LUC7L2: variants seen among roughly 807,000 people sequenced by gnomAD.
LUC7L2 encodes the protein putative RNA-binding protein Luc7-like 2.
A neutral mutation model predicts 52.8 loss-of-function variants in LUC7L2; 25 were observed. That is an observed-to-expected ratio of 0.47 (90% CI 0.34 to 0.66). The LOEUF (loss-of-function observed/expected upper bound fraction) is 0.66. LUC7L2 is among the 30% of genes least tolerant of loss of function. The probability of loss-of-function intolerance (pLI) is 0.01; values close to 1 mark genes in which losing one functional copy is unlikely to be tolerated. For synonymous variants in LUC7L2, 144 were observed against 160.9 expected, an observed-to-expected ratio of 0.89 and a Z score of 0.80; for missense variants, 328 against 497.8, an observed-to-expected ratio of 0.66 and a Z score of 3.25.
intron 2 of LUC7L2, among the ~76,000 whole-genome samples, chr7:139,385,005 T>C (rs1038990233): frequency 6.6e-6 from 1 of 152,248 alleles, no homozygotes; most frequent in South Asian, 2.1e-4. Context: ...AGGTAATTTT[T>C]TTCCCCATGG....
chr7:139,375,187 T>C (rs748027625), intron 1 of LUC7L2: 11 of 983,934 alleles, frequency 1.1e-5, no homozygotes, highest in Non-Finnish European at 1.3e-5. Context: ...TATTTTGTTA[T>C]TGGAGCTAGT....
chr7:139,389,843 G>T (rs1331357642), intron 2 of LUC7L2, among the ~76,000 whole-genome samples: 1 of 152,156 alleles, frequency 6.6e-6, no homozygotes, highest in Non-Finnish European at 1.5e-5. Context: ...AAATAAGTAG[G>T]TTGACAGCCT....
At chr7:139,366,491 T>TTAAC (rs1554387486) in intron 1 of LUC7L2, among the ~76,000 whole-genome samples, 24 of 152,024 alleles carry the variant, frequency 1.6e-4, no homozygotes, top group African/African-American at 4.6e-4. Context: ...CTTTAATAGT[T>TTAAC]TAATAGTTAA....
chr7:139,418,171 T>C (rs923290632), intron 9 of LUC7L2, among the ~76,000 whole-genome samples: 1 of 152,194 alleles, frequency 6.6e-6, no homozygotes, highest in African/African-American at 2.4e-5. Flanking sequence ...TATATTCTTG[T>C]TTTATCTGCA....
intron 1 of LUC7L2, among the ~76,000 whole-genome samples, chr7:139,367,007 T>G (rs1054088066): frequency 6.6e-6 from 1 of 151,944 alleles, no homozygotes. Flanking sequence ...GGAGACAGAG[T>G]CTCTGTCTCC....
intron 2 of LUC7L2, among the ~76,000 whole-genome samples, chr7:139,383,561 C>T (rs951541034): frequency 6.8e-6 from 1 of 148,098 alleles, no homozygotes; most frequent in Non-Finnish European, 1.5e-5. Context: ...AGAGGTGCTG[C>T]ACGCCACCAT....
intron 2 of LUC7L2, among the ~76,000 whole-genome samples, chr7:139,387,129 C>T (rs1466408738): frequency 6.6e-6 from 1 of 151,632 alleles, no homozygotes; most frequent in Non-Finnish European, 1.5e-5. Flanking sequence ...CATGAGCCAC[C>T]GTGCCCGGCC....
At chr7:139,392,967 T>C (rs1794509050) in intron 2 of LUC7L2, among the ~76,000 whole-genome samples, 1 of 150,060 alleles carries the variant, frequency 6.7e-6, no homozygotes, top group Non-Finnish European at 1.5e-5. Flanking sequence ...ACTTGTTAAA[T>C]TAAAAAAAAA....
At chr7:139,361,040 C>T (rs933932550) in intron 1 of LUC7L2, among the ~76,000 whole-genome samples, 1 of 152,124 alleles carries the variant, frequency 6.6e-6, no homozygotes, top group African/African-American at 2.4e-5. Flanking sequence ...ATTTGGTACC[C>T]AGTGAAGTAG....
chr7:139,374,764 T>C (rs1800621959), intron 1 of LUC7L2: 1 of 1,204,570 alleles, frequency 8.3e-7, no homozygotes, highest in East Asian at 3.9e-5. Context: ...GTTAAAACAA[T>C]TTGAACAAAA....
chr7:139,388,477 A>G (rs1160610953), intron 2 of LUC7L2, among the ~76,000 whole-genome samples: 2 of 151,898 alleles, frequency 1.3e-5, no homozygotes, highest in Non-Finnish European at 2.9e-5. Flanking sequence ...CCCTATACTC[A>G]TGTCTAAGGT....
At chr7:139,372,225 C>T (rs1800487244) in intron 1 of LUC7L2, among the ~76,000 whole-genome samples, 1 of 145,750 alleles carries the variant, frequency 6.9e-6, no homozygotes, top group South Asian at 2.1e-4. Flanking sequence ...TTCGCCTGAT[C>T]TCTGTTCCAT....
intron 1 of LUC7L2, among the ~76,000 whole-genome samples, chr7:139,342,033 G>C (rs1799005913): frequency 1.3e-5 from 2 of 152,140 alleles, no homozygotes; most frequent in South Asian, 4.1e-4. Flanking sequence ...TGAGCAATGT[G>C]GGGAAAGGGA....
intron 1 of LUC7L2, among the ~76,000 whole-genome samples, chr7:139,352,533 A>G (rs1799488898): frequency 6.6e-6 from 1 of 152,174 alleles, no homozygotes; most frequent in Non-Finnish European, 1.5e-5. Context: ...CTTTCAAGCA[A>G]TATAGTTTAT....
chr7:139,345,460 C>G (rs755194432), intron 1 of LUC7L2: 5 of 1,612,148 alleles, frequency 3.1e-6, no homozygotes, highest in Non-Finnish European at 4.2e-6. Context: ...GGACCTGTAT[C>G]TCTAGCTGGG....
intron 7 of LUC7L2, among the ~76,000 whole-genome samples, chr7:139,410,111 G>T (rs1795292021): frequency 6.6e-6 from 1 of 151,950 alleles, no homozygotes; most frequent in Non-Finnish European, 1.5e-5. Flanking sequence ...GGAGGCTGAG[G>T]CAGGAGAATG....
chr7:139,384,502 A>G (rs571659508), intron 2 of LUC7L2, among the ~76,000 whole-genome samples: 12 of 152,282 alleles, frequency 7.9e-5, no homozygotes, highest in African/African-American at 2.4e-4. Flanking sequence ...CTCTCAGTCT[A>G]TTACAAAAAT....
rs570938563 is a variant in LUC7L2, at chr7:139,347,128, T to A, written c.-26+6611T>A. Among the ~76,000 whole-genome samples, 26 of 152,370 alleles carry A rather than the reference T, an allele frequency of 1.7e-4. No individual in the cohort carries two copies. The South Asian group carries it at 5.0e-3, about 29-fold the overall frequency. On this transcript the variant is annotated intron_variant, in intron 1 of 10. Coordinates refer to the LUC7L2 transcript ENST00000541170. ...TTGGCTCCTTTATGGTATATGTCAG[T>A]TTCTTCTGGTAGGTAGATAACCTCT...
intron 2 of LUC7L2, among the ~76,000 whole-genome samples, chr7:139,381,639 T>C (rs146423174): frequency 1.4e-3 from 208 of 151,390 alleles, no homozygotes; most frequent in African/African-American, 4.9e-3. Context: ...TGCAATGGTT[T>C]GATCTCGGCT....
Sources: allele counts gnomAD v4.1 joint callset (sites outside exome capture counted in the v4.1 genomes callset), GRCh38; gene constraint gnomAD v4.1.1; transcripts MANE v1.5; gene names NCBI Gene and HGNC (gene_info 2026-07-23, HGNC 2026-07-21).